TTN: variants seen among roughly 807,000 people sequenced by gnomAD.
TTN encodes titin, also known as connectin.
TTN carries 1,525 observed loss-of-function variants against 3,223.0 expected under a neutral mutation model. The observed-to-expected ratio is 0.47, with a 90% CI of 0.45 to 0.49. The LOEUF (loss-of-function observed/expected upper bound fraction) is 0.49. Among genes scored for constraint, TTN ranks in the 20% least tolerant of loss-of-function variants. The pLI is 0.00. For missense variants in TTN, 40,786 were observed against 43,424.0 expected, an observed-to-expected ratio of 0.94 and a Z score of 5.40; for synonymous variants, 14,094 against 15,161.0, an observed-to-expected ratio of 0.93 and a Z score of 5.17.
At chr2:178,651,836 A>G in intron 205 of TTN, 48 bp downstream of exon 205, 1 of 1,601,126 alleles carries the variant, frequency 6.2e-7, no homozygotes, top group Non-Finnish European at 8.5e-7. Flanking sequence ...TCAGGGCAGG[A>G]AGGGGAAAGA....
At chr2:178,623,836 C>A (rs2058654710) in intron 242 of TTN, among the ~76,000 whole-genome samples, 1 of 151,936 alleles carries the variant, frequency 6.6e-6, no homozygotes, top group South Asian at 2.1e-4. Context: ...AAAGACATTA[C>A]ATTTTTCACC....
Position 178,605,658 on chromosome 2 carries a change from G to C in TTN, c.53637C>G (p.Ile17879Met). The C allele has an allele frequency of 6.2e-7, 1 of 1,608,054 alleles. No individual in the cohort carries two copies. The highest frequency in any genetic ancestry group is 8.5e-7 in the Non-Finnish European group (1 of 1,176,080). ...TGCGGGGCTCTTTCCAGTCAAGTGT[G>C]ATAGTGGACTTTGTCCTTTCAGTGT... Reference protein sequence around the residue: ...LTYTERTKSTITLDWKEPRSN... With the variant: ...LTYTERTKSTMTLDWKEPRSN... Residue 17879 changes from isoleucine (I) to methionine (M), a missense_variant, in exon 279 of 363, where the codon ATC becomes ATG. Physicochemically the swap from Ile to Met is conservative, Grantham distance 10. Transcript: ENST00000589042.
chr2:178,636,010 A>G lies in TTN; in HGVS notation c.41561T>C (p.Val13854Ala), dbSNP rs1180677279. The change falls in exon 226 of 363, where the codon GTG becomes GCG. Residue 13854 changes from valine (V) to alanine (A), a missense_variant. By Grantham distance (64) the Val-to-Ala change is moderately conservative. Coordinates refer to ENST00000589042, the MANE Select transcript of TTN (RefSeq NM_001267550.2). The surrounding 1 kb of genome is among the most constrained non-coding windows in gnomAD (Gnocchi z 4.3). ...ACACTCCAGGTTGTTGGCGTTTTCCACAGTAACTGTGTATGTTCCAGCATC... is the reference window on the plus strand; with the variant it reads ...ACACTCCAGGTTGTTGGCGTTTTCCGCAGTAACTGTGTATGTTCCAGCATC... ...DTDAGTYTVT[V>A]ENANNLECSS... 1.9e-6 allele frequency: 3 copies of G among 1,611,198 alleles called. No homozygotes were observed. Among genetic ancestry groups the G allele is most frequent in the African/African-American group, 2.7e-5 (2 of 74,824 alleles).
At position 178,542,362 on chromosome 2, in the gene TTN, G is replaced by A; in HGVS notation, c.97394C>T (p.Thr32465Ile). ...ACGGAACACATACTCATTTCCTTCG[G>A]TGAGTCTGGTAAACTTAAACGTGGA... ...TRSTFKFTRL[T>I]EGNEYVFRVA... The change falls in exon 349 of 363, where the codon ACC becomes ATC. Residue 32465 changes from threonine to isoleucine, a missense_variant. Thr to Ile is a moderately conservative substitution (Grantham distance 89). Coordinates refer to ENST00000589042, the MANE Select transcript of TTN (RefSeq NM_001267550.2). 1 of 1,613,546 alleles carries A rather than the reference G, an allele frequency of 6.2e-7. No homozygotes were observed. Among genetic ancestry groups the A allele is most frequent in the Non-Finnish European group, 8.5e-7 (1 of 1,179,700 alleles).
chr2:178,678,962 A>G (rs994880827), intron 142 of TTN, 132 bp from the exon 143 acceptor site: 5 of 750,212 alleles, frequency 6.7e-6, no homozygotes, highest in Middle Eastern at 2.4e-4. Context: ...GAAAATTATA[A>G]TAGCCACAAA....
intron 47 of TTN, chr2:178,749,932 T>C: frequency 1.2e-6 from 2 of 1,613,224 alleles, no homozygotes; most frequent in Non-Finnish European, 1.7e-6. Context: ...TTTTTGGTGG[T>C]TCATTAGTAA....
chr2:178,791,319 G>C (rs2093478448), intron 10 of TTN, among the ~76,000 whole-genome samples: 1 of 152,162 alleles, frequency 6.6e-6, no homozygotes, highest in Non-Finnish European at 1.5e-5. Flanking sequence ...GTTCTCAACT[G>C]GACCTTTAAA....
chr2:178,734,870 A>G lies in TTN; in HGVS notation c.15054T>C (p.Asn5018=), dbSNP rs2081171658. ...SPVIQVTWFK[N]NKELSESNTV... Reference sequence around the variant, plus strand: ...TGTTACTTTCACTGAGTTCTTTGTTATTTTTAAACCAAGTAACCTGGATCA... The same window carrying G: ...TGTTACTTTCACTGAGTTCTTTGTTGTTTTTAAACCAAGTAACCTGGATCA... The change falls in exon 51 of 363, where the codon AAT becomes AAC. Residue 5018 remains asparagine, a synonymous_variant. Transcript: ENST00000589042. 6.2e-7 allele frequency: 1 copy of G among 1,613,536 alleles called. No homozygotes were observed. The highest frequency in any genetic ancestry group is 1.3e-5 in the African/African-American group (1 of 74,914).
intron 316 of TTN, 106 bp from the exon 317 acceptor site, chr2:178,580,715 T>G: frequency 8.8e-7 from 1 of 1,132,620 alleles, no homozygotes; most frequent in Middle Eastern, 2.7e-4. Flanking sequence ...TAGAGCTGAT[T>G]TCTTGTTCTT....
intron 120 of TTN, among the ~76,000 whole-genome samples, 168 bp downstream of exon 120, chr2:178,692,328 TG>T (rs2072667957): frequency 6.6e-6 from 1 of 152,076 alleles, no homozygotes; most frequent in Admixed American, 6.6e-5. Context: ...AGTTTAGAAA[TG>T]TTACCAATAC....
intron 50 of TTN, 120 bp downstream of exon 50, chr2:178,735,391 G>T: frequency 9.8e-7 from 1 of 1,020,022 alleles, no homozygotes; most frequent in South Asian, 2.2e-5. Flanking sequence ...AAACCATAAT[G>T]TTTGCTGAAT....
rs1230737429 is a variant in TTN, at chr2:178,564,863, A to G, written c.81269T>C (p.Leu27090Pro). 1 of 1,612,960 alleles carries G rather than the reference A, an allele frequency of 6.2e-7. No homozygotes were observed. Among genetic ancestry groups the G allele is most frequent in the Non-Finnish European group, 8.5e-7 (1 of 1,179,576 alleles). ...FVTSISKDQM[L>P]VQWHEPVNDG... ...ATTCACTGGCTCATGCCATTGCACA[A>G]GCATCTGATCTTTTGAGATTGATGT... The change falls in exon 326 of 363, where the codon CTT becomes CCT. Residue 27090 changes from leucine (L) to proline (P), a missense_variant. Physicochemically the swap from Leu to Pro is moderately conservative, Grantham distance 98. Coordinates refer to ENST00000589042, the MANE Select transcript of TTN (RefSeq NM_001267550.2).
rs369709751 is a variant in TTN at position 178,630,922 on chromosome 2, C to T, written c.44036G>A (p.Arg14679Gln). Reference sequence around the variant, plus strand: ...CATCACCTCCACACTGTGCAGGGGTCGCACCAGTTTAATTTCCCGATCTAG... The same window carrying T: ...CATCACCTCCACACTGTGCAGGGGTTGCACCAGTTTAATTTCCCGATCTAG... ...DIEDREIKLV[R>Q]PLHSVEVMET... The change falls in exon 238 of 363, where the codon CGA (arginine) becomes CAA (glutamine). Residue 14679 changes from arginine (R) to glutamine (Q), a missense_variant. Coordinates refer to ENST00000589042, the MANE Select transcript of TTN (RefSeq NM_001267550.2). 7.3e-5 allele frequency: 117 copies of T among 1,611,552 alleles called. No individual in the cohort carries two copies. The highest frequency in any genetic ancestry group is 2.0e-4 in the East Asian group (9 of 44,690).
At position 178,572,594 on chromosome 2, in the gene TTN, T is replaced by C. The variant is rs1195528043; in HGVS notation, c.73538A>G (p.Asn24513Ser). The change falls in exon 326 of 363, where the codon AAT (asparagine) becomes AGT (serine). Residue 24513 changes from asparagine (N) to serine (S), a missense_variant. Coordinates refer to ENST00000589042, the MANE Select transcript of TTN (RefSeq NM_001267550.2). ...NSSGSKSAFV[N>S]VRVLDTPGPP... is the part of the protein sequence containing the mutation. ...GCCTGGTGTATCGAGAACTCTAACA[T>C]TGACAAATGCAGACTTGCTGCCTGA... 6 of 1,613,418 alleles carry C rather than the reference T, an allele frequency of 3.7e-6. No homozygotes were observed. In the East Asian group the frequency reaches 1.3e-4, roughly 36 times the overall value.
At chr2:178,613,423 A>T in intron 263 of TTN, 147 bp from the exon 264 acceptor site, 2 of 748,646 alleles carry the variant, frequency 2.7e-6, no homozygotes, top group East Asian at 5.6e-5. Flanking sequence ...ATAAATTAAA[A>T]ATTGCTTTTT....
rs763131148 is a variant in TTN at position 178,574,401 on chromosome 2, T to G, written c.71731A>C (p.Lys23911Gln). ...ATAGGTTCTGATGGCTTGCTTGGCT[T>G]ACTTTTGCCTGCCATGTTTTCTGCA... ...VIAENMAGKS[K>Q]PSKPSEPMLA... The change falls in exon 326 of 363, where the codon AAG (lysine) becomes CAG (glutamine). Residue 23911 changes from lysine to glutamine, a missense_variant. Physicochemically the swap from Lys to Gln is moderately conservative, Grantham distance 53 (BLOSUM62 1). Transcript: ENST00000589042. 6.2e-7 allele frequency: 1 copy of G among 1,613,448 alleles called. No homozygotes were observed. The highest frequency in any genetic ancestry group is 1.3e-5 in the African/African-American group (1 of 74,910).
At chr2:178,710,362 A>C (rs1004706162) in intron 98 of TTN, among the ~76,000 whole-genome samples, 1 of 152,120 alleles carries the variant, frequency 6.6e-6, no homozygotes, top group African/African-American at 2.4e-5. Flanking sequence ...CACAAGAATC[A>C]CTTGAACCCA....
In TTN at chr2:178,566,835, A is replaced by G; in HGVS notation, c.79297T>C (p.Trp26433Arg). The G allele has an allele frequency of 6.2e-7, 1 of 1,613,316 alleles. No homozygotes were observed. The highest frequency in any genetic ancestry group is 2.2e-5 in the East Asian group (1 of 44,768). The change falls in exon 326 of 363, where the codon TGG becomes CGG. Residue 26433 changes from tryptophan (W) to arginine (R), a missense_variant. Physicochemically the swap from Trp to Arg is moderately radical, Grantham distance 101. Transcript: ENST00000589042. ...VEKRDRSGIR[W>R]IKCNKRRITD... ...ATGCGGCGTTTATTACATTTTATCC[A>G]TCGAATGCCACTTCTGTCTCTTTTC...
intron 240 of TTN, among the ~76,000 whole-genome samples, chr2:178,628,400 C>T (rs2059351706): frequency 6.6e-6 from 1 of 152,006 alleles, no homozygotes; most frequent in African/African-American, 2.4e-5. Flanking sequence ...TGTCACAGAA[C>T]AATGTACTGT....
Sources: allele counts gnomAD v4.1 joint callset (sites outside exome capture counted in the v4.1 genomes callset), GRCh38; gene constraint gnomAD v4.1.1; non-coding constraint Gnocchi (gnomAD v3.1); transcripts MANE v1.5; gene names NCBI Gene and HGNC (gene_info 2026-07-23, HGNC 2026-07-21).